CLEC16A: variants seen among roughly 807,000 people sequenced by gnomAD.
CLEC16A encodes C-type lectin domain containing 16A.
CLEC16A carries 51 observed loss-of-function variants against 109.5 expected under a neutral mutation model. The observed-to-expected ratio is 0.47, with a 90% CI of 0.37 to 0.59. CLEC16A has a LOEUF of 0.59. Ranked by LOEUF, CLEC16A falls within the 20% of genes least tolerant of loss-of-function variation. The probability of loss-of-function intolerance (pLI) is 0.00; values close to 1 mark genes in which losing one functional copy is unlikely to be tolerated. For synonymous variants in CLEC16A, 673 were observed against 564.2 expected (o/e 1.19, Z -2.73); for missense variants, 1,339 against 1,394.0 (o/e 0.96, Z 0.63).
chr16:11,157,657 G>C lies in CLEC16A; in HGVS notation c.2642-8731G>C, dbSNP rs562199997. Among the ~76,000 whole-genome samples the C allele has an allele frequency of 2.6e-5, 4 of 152,276 alleles. No individual in the cohort carries two copies. In the South Asian group the frequency reaches 8.3e-4, roughly 32 times the overall value. Reference sequence around the variant, plus strand: ...TCAGTGAATGCTTTTGTTTCTCTTTGGTTTTTGTGTAGATTCCTAAGAGGA... The same window carrying C: ...TCAGTGAATGCTTTTGTTTCTCTTTCGTTTTTGTGTAGATTCCTAAGAGGA... On this transcript the variant is annotated intron_variant, in intron 22 of 23. Coordinates refer to ENST00000409790, the MANE Select transcript of CLEC16A (RefSeq NM_015226.3).
chr16:11,036,407 C>G (rs1263221777), intron 13 of CLEC16A, among the ~76,000 whole-genome samples: 2 of 152,178 alleles, frequency 1.3e-5, no homozygotes, highest in African/African-American at 2.4e-5. Context: ...AACTCCTGTT[C>G]ATCCTTTAGG....
intron 1 of CLEC16A, 141 bp from the exon 2 acceptor site, chr16:10,957,641 A>C: frequency 1.2e-6 from 1 of 807,552 alleles, no homozygotes; most frequent in Non-Finnish European, 2.0e-6. Context: ...TGTGAGTTAC[A>C]TCTAATCTGA....
intron 3 of CLEC16A, among the ~76,000 whole-genome samples, chr16:10,963,701 A>G (rs1596770126): frequency 6.6e-6 from 1 of 152,202 alleles, no homozygotes; most frequent in Non-Finnish European, 1.5e-5. Context: ...GGCAGGTGCC[A>G]TCAGTGCTTT....
intron 10 of CLEC16A, among the ~76,000 whole-genome samples, chr16:10,995,979 AGGCCCT>A (rs2044303883): frequency 6.6e-6 from 1 of 152,124 alleles, no homozygotes; most frequent in South Asian, 2.1e-4. Context: ...ACAGAATCTC[AGGCCCT>A]GGAATCTCTC....
At chr16:10,950,469 A>C (rs2041669685) in intron 1 of CLEC16A, among the ~76,000 whole-genome samples, 1 of 152,218 alleles carries the variant, frequency 6.6e-6, no homozygotes, top group Admixed American at 6.5e-5. Flanking sequence ...CTAAAGCCCT[A>C]AAGAAAGCTA....
intron 19 of CLEC16A, among the ~76,000 whole-genome samples, chr16:11,118,740 G>C (rs773964928): frequency 2.0e-5 from 3 of 152,194 alleles, no homozygotes; most frequent in Non-Finnish European, 4.4e-5. Flanking sequence ...GTTTTCCCCA[G>C]ATTTTCTTCT....
At chr16:11,171,186 G>GCCC (rs2068496118) in intron 23 of CLEC16A, among the ~76,000 whole-genome samples, 1 of 152,204 alleles carries the variant, frequency 6.6e-6, no homozygotes, top group African/African-American at 2.4e-5. Flanking sequence ...GTAGCTTCAG[G>GCCC]CCCAGTACAG....
chr16:11,101,334 C>A (rs2050901498), intron 19 of CLEC16A, among the ~76,000 whole-genome samples: 1 of 152,210 alleles, frequency 6.6e-6, no homozygotes, highest in Non-Finnish European at 1.5e-5. Flanking sequence ...GCCTCACCCC[C>A]AACAGTCCTC....
At chr16:11,070,230 C>G (rs984519799) in intron 19 of CLEC16A, among the ~76,000 whole-genome samples, 4 of 152,088 alleles carry the variant, frequency 2.6e-5, no homozygotes. Flanking sequence ...GCCACCACGC[C>G]CAGCTAATTT....
intron 13 of CLEC16A, among the ~76,000 whole-genome samples, chr16:11,030,853 C>T (rs1213925800): frequency 6.6e-6 from 1 of 152,188 alleles, no homozygotes; most frequent in Non-Finnish European, 1.5e-5. Flanking sequence ...CCCTGTTGGC[C>T]AGGCTGGTCT....
intron 19 of CLEC16A, among the ~76,000 whole-genome samples, chr16:11,076,314 C>G (rs1010703278): frequency 6.6e-6 from 1 of 152,240 alleles, no homozygotes; most frequent in African/African-American, 2.4e-5. Context: ...CCAAAACCCC[C>G]ACTCTGCCCC....
chr16:11,043,944 C>T, intron 15 of CLEC16A, 84 bp from the exon 16 acceptor site: 1 of 1,042,412 alleles, frequency 9.6e-7, no homozygotes, highest in Non-Finnish European at 1.4e-6. Flanking sequence ...TTTATACACA[C>T]TCATGTTTTA....
At chr16:11,092,308 C>CA (rs1160010049) in intron 19 of CLEC16A, among the ~76,000 whole-genome samples, 17 of 151,788 alleles carry the variant, frequency 1.1e-4, no homozygotes, top group Non-Finnish European at 1.5e-5. Context: ...CACACCACTG[C>CA]ACTCCAGTCT....
chr16:11,152,443 C>G (rs1271777124), intron 22 of CLEC16A, among the ~76,000 whole-genome samples: 1 of 152,188 alleles, frequency 6.6e-6, no homozygotes, highest in Non-Finnish European at 1.5e-5. Flanking sequence ...TATTTCTGAT[C>G]CCAAATGTTC....
At chr16:11,131,765 G>A (rs916988812) in intron 22 of CLEC16A, among the ~76,000 whole-genome samples, 1 of 152,056 alleles carries the variant, frequency 6.6e-6, no homozygotes, top group African/African-American at 2.4e-5. Flanking sequence ...CCTCTCTGTG[G>A]CCCATGGTCC....
chr16:10,985,659 G>A (rs541460407), intron 10 of CLEC16A, among the ~76,000 whole-genome samples: 11 of 151,960 alleles, frequency 7.2e-5, no homozygotes, highest in Admixed American at 1.3e-4. Context: ...TAGACTTGTC[G>A]TTCTAAGAGA....
At chr16:11,021,638 A>G (rs531157840) in intron 12 of CLEC16A, among the ~76,000 whole-genome samples, 2 of 152,276 alleles carry the variant, frequency 1.3e-5, no homozygotes, top group African/African-American at 2.4e-5. Context: ...CTTTACGAAA[A>G]TATTAAAAAA....
chr16:11,178,951 G>T lies in CLEC16A; in HGVS notation c.*261G>T, dbSNP rs1469604017. On this transcript the variant is annotated 3_prime_UTR_variant, in exon 24 of 24. Coordinates refer to ENST00000409790, the MANE Select transcript of CLEC16A (RefSeq NM_015226.3). The surrounding 1 kb of genome is among the most constrained non-coding windows in gnomAD (Gnocchi z 6.5). ...TGCAGATGACTGCACCGGCCACTCA[G>T]GGAGCTGCCTGGGCTCCGTGTCTCT... 1 of 414,246 alleles carries T rather than the reference G, an allele frequency of 2.4e-6. No individual in the cohort carries two copies. The highest frequency in any genetic ancestry group is 4.3e-6 in the Non-Finnish European group (1 of 234,568). The allele number at this position is 414,246 out of a possible 1,614,324, so 25.7% of individuals were successfully genotyped here.
chr16:11,014,805 T>C (rs1348690622), intron 11 of CLEC16A, among the ~76,000 whole-genome samples: 2 of 152,194 alleles, frequency 1.3e-5, no homozygotes, highest in Non-Finnish European at 2.9e-5. Flanking sequence ...GGAGGGAGGC[T>C]GGCCAGTGAC....
Sources: gnomAD v4.1 joint callset for allele counts (sites outside exome capture counted in the v4.1 genomes callset) on GRCh38, gnomAD v4.1.1 for gene constraint, Gnocchi (gnomAD v3.1) non-coding constraint, MANE v1.5 for transcripts, NCBI Gene and HGNC (gene_info 2026-07-23, HGNC 2026-07-21) for gene names.